PIEZO1: variants seen among roughly 807,000 people sequenced by gnomAD.
The protein encoded by PIEZO1 is piezo-type mechanosensitive ion channel component 1.
A neutral mutation model predicts 297.2 loss-of-function variants in PIEZO1; 296 were observed. The ratio of observed to expected loss-of-function variants is 1.00; its 90% CI spans 0.91 to 1.10. PIEZO1 has a LOEUF of 1.10. PIEZO1 is among the 50% of genes least tolerant of loss of function. The pLI, the probability that PIEZO1 is intolerant of heterozygous loss-of-function variation, is 0.00. For synonymous variants in PIEZO1, 2,427 were observed against 1,507.5 expected (o/e 1.61, Z -14.13); for missense variants, 5,018 against 3,455.5 (o/e 1.45, Z -11.34).
At chr16:88,736,907 T>C (rs971643943) in intron 10 of PIEZO1, 168 bp from the exon 11 acceptor site, 3 of 510,462 alleles carry the variant, frequency 5.9e-6, no homozygotes, top group South Asian at 4.9e-5. Flanking sequence ...ACACCGTCCC[T>C]GAGCGTCAGG....
chr16:88,720,884 A>T, intron 39 of PIEZO1, 136 bp from the exon 40 acceptor site: 1 of 1,087,238 alleles, frequency 9.2e-7, no homozygotes, highest in South Asian at 1.7e-5. Context: ...TCCCAGTGTC[A>T]CTGGCAAGGA....
chr16:88,727,252 G>C lies in PIEZO1; in HGVS notation c.3302-60C>G, dbSNP rs376240139. ...GGGACCCACACGAGGTGGGCACGGC[G>C]CATAAATCCCACCTCCCACCCCAGG... is the stretch of plus-strand genomic sequence containing the variant. On this transcript the variant is annotated intron_variant, in intron 23 of 50. Transcript: ENST00000301015. 37 of 1,459,962 alleles carry C rather than the reference G, an allele frequency of 2.5e-5. 1 individual carries two copies. In the East Asian group the frequency reaches 8.7e-4, roughly 35 times the overall value. The allele number at this position is 1,459,962 out of a possible 1,614,324, so 90.4% of individuals were successfully genotyped here. A position where few individuals can be genotyped will look rare whatever the true frequency, so the allele number is the denominator to read the frequency against.
intron 21 of PIEZO1, 55 bp downstream of exon 21, chr16:88,732,280 C>T: frequency 6.2e-6 from 9 of 1,451,074 alleles, no homozygotes; most frequent in East Asian, 2.5e-5. Flanking sequence ...TGCAGCCGTC[C>T]CTCCCTCCCG....
At chr16:88,779,380 C>G (rs1280991590) in intron 1 of PIEZO1, among the ~76,000 whole-genome samples, 2 of 152,198 alleles carry the variant, frequency 1.3e-5, no homozygotes, top group Non-Finnish European at 2.9e-5. Context: ...CCCCATTTTC[C>G]TGGCACTGAT....
At chr16:88,767,086 C>T (rs1046809435) in intron 1 of PIEZO1, among the ~76,000 whole-genome samples, 4 of 152,240 alleles carry the variant, frequency 2.6e-5, no homozygotes, top group Non-Finnish European at 4.4e-5. Context: ...TCAGCTTCTC[C>T]GATCGATTGG....
chr16:88,757,192 G>C (rs576536934), intron 1 of PIEZO1, among the ~76,000 whole-genome samples: 23 of 152,266 alleles, frequency 1.5e-4, no homozygotes, highest in African/African-American at 5.5e-4. Context: ...AGACCACCTG[G>C]AGGCTGAGCC....
intron 1 of PIEZO1, among the ~76,000 whole-genome samples, chr16:88,760,725 AG>A (rs1214103901): frequency 6.6e-6 from 1 of 152,176 alleles, no homozygotes; most frequent in Admixed American, 6.5e-5. Context: ...AGCAGCACCC[AG>A]GGGGCCCGGG....
intron 1 of PIEZO1, among the ~76,000 whole-genome samples, chr16:88,761,913 C>T (rs142361904): frequency 1.5e-3 from 229 of 152,346 alleles, no homozygotes; most frequent in African/African-American, 5.2e-3. Flanking sequence ...GATTCCAGGG[C>T]ATGGGTGAGG....
rs1246728726 is a variant in PIEZO1 at position 88,784,863 on chromosome 16, C to A, written c.64+38G>T. On this transcript the variant is annotated intron_variant, in intron 1 of 50. Coordinates refer to ENST00000301015, the MANE Select transcript of PIEZO1 (RefSeq NM_001142864.4). ...AGGCCGTGGGGAGCCGAGACGCAGC[C>A]CCCTCCCGTCGCCCCCAGGCGCCCG... 5 of 1,367,080 alleles carry A rather than the reference C, an allele frequency of 3.7e-6. No individual in the cohort carries two copies. The South Asian group carries it at 6.6e-5, about 18-fold the overall frequency. 84.7% of individuals were successfully genotyped at this position (1,367,080 alleles called of 1,614,324 possible).
chr16:88,735,696 C>T (rs541718631), intron 12 of PIEZO1, among the ~76,000 whole-genome samples: 79 of 152,398 alleles, frequency 5.2e-4, no homozygotes, highest in Middle Eastern at 3.4e-3. Flanking sequence ...TGCTGGCACC[C>T]GTTTCACATG....
Position 88,716,879 on chromosome 16 carries a change from G to C in PIEZO1, c.6680C>G (p.Ala2227Gly), listed in dbSNP as rs1420499176. 6.5e-7 allele frequency: 1 copy of C among 1,549,830 alleles called. No homozygotes were observed. The highest frequency in any genetic ancestry group is 8.7e-7 in the Non-Finnish European group (1 of 1,146,948). ...GAAGGGGATGATGGACGGCTGCTGG[G>C]CGCTCATGGTGAACAGCGGCTGGGG... ...GGYEPLFTMSAQQPSIIPFTA... is the reference protein window; with the variant it reads ...GGYEPLFTMSGQQPSIIPFTA... Residue 2227 changes from alanine to glycine, a missense_variant, in exon 46 of 51, where the codon GCC (alanine) becomes GGC (glycine). Transcript: ENST00000301015.
intron 3 of PIEZO1, 53 bp from the exon 4 acceptor site, chr16:88,742,148 G>A: frequency 3.9e-6 from 6 of 1,530,840 alleles, no homozygotes; most frequent in Non-Finnish European, 4.4e-6. Context: ...CCAGCACCGT[G>A]GCCTGGTCAT....
Position 88,720,269 on chromosome 16 carries a change from GGCC to G in PIEZO1, c.5961_5963del (p.Ala1988del), listed in dbSNP as rs1912335818. 6.4e-7 allele frequency: 1 copy of G among 1,550,436 alleles called. No homozygotes were observed. The highest frequency in any genetic ancestry group is 8.7e-7 in the Non-Finnish European group (1 of 1,146,964). The stretch of plus-strand genomic sequence containing the variant: ...CTGATAGGGAGGACGTGATGTCTGT[GGCC>G]GCCGAGTGCTTCTGTGGCCAGGAGA... On this transcript the variant is annotated inframe_deletion, in exon 42 of 51. Transcript: ENST00000301015.
chr16:88,717,267 C>G lies in PIEZO1; in HGVS notation c.6472-56G>C, dbSNP rs568551969. 14 of 1,449,930 alleles carry G rather than the reference C, an allele frequency of 9.7e-6. No individual in the cohort carries two copies. The African/African-American group carries it at 1.7e-4, about 17-fold the overall frequency. The allele number at this position is 1,449,930 out of a possible 1,614,324, so 89.8% of individuals were successfully genotyped here. A position where few individuals can be genotyped will look rare whatever the true frequency, so the allele number is the denominator to read the frequency against. ...AGCTCTGCCCTTCCTGCGGGTCACACAACCGCATTCTCCAGCTCACCCAGC... is the reference window on the plus strand; with the variant it reads ...AGCTCTGCCCTTCCTGCGGGTCACAGAACCGCATTCTCCAGCTCACCCAGC... On this transcript the variant is annotated intron_variant, in intron 44 of 50. Coordinates refer to ENST00000301015, the MANE Select transcript of PIEZO1 (RefSeq NM_001142864.4).
At chr16:88,762,418 C>A (rs929840908) in intron 1 of PIEZO1, among the ~76,000 whole-genome samples, 5 of 152,234 alleles carry the variant, frequency 3.3e-5, no homozygotes, top group Admixed American at 2.6e-4. Context: ...TGGCCCCCAT[C>A]TGAGCTGCAG....
At position 88,727,077 on chromosome 16, in the gene PIEZO1, C is replaced by G. The variant is rs1308781353; in HGVS notation, c.3417G>C (p.Arg1139=). 1 of 1,549,622 alleles carries G rather than the reference C, an allele frequency of 6.5e-7. No individual in the cohort carries two copies. The highest frequency in any genetic ancestry group is 8.7e-7 in the Non-Finnish European group (1 of 1,146,400). The change falls in exon 24 of 51, where the codon CGG becomes CGC. Residue 1139 remains arginine, a synonymous_variant. Coordinates refer to ENST00000301015, the MANE Select transcript of PIEZO1 (RefSeq NM_001142864.4). The part of the protein sequence containing the change: ...GVNTDRLEPL[R]GEPNPVPNFI... ...AGTTGGGCACGGGGTTGGGCTCCCC[C>G]CGCAGCGGCTCCAGGCGGTCGGTGT...
chr16:88,736,943 C>A, intron 10 of PIEZO1: 1 of 469,948 alleles, frequency 2.1e-6, no homozygotes, highest in Non-Finnish European at 3.8e-6. Context: ...ACCTGCCGTT[C>A]TCTGGGCCTC....
chr16:88,722,672 C>T lies in PIEZO1; in HGVS notation c.4686G>A (p.Arg1562=). ...TTGTGTACAGCTGATCCAGCACGCCCCTGTGCACTTCGCCGCCCTGCAGGG... is the reference window on the plus strand; with the variant it reads ...TTGTGTACAGCTGATCCAGCACGCCTCTGTGCACTTCGCCGCCCTGCAGGG... ...QELLQGGEVH[R]GVLDQLYTSQ... Residue 1562 remains arginine (R), a synonymous_variant, in exon 35 of 51, where the codon AGG becomes AGA. Transcript: ENST00000301015. 6.5e-7 allele frequency: 1 copy of T among 1,537,932 alleles called. No individual in the cohort carries two copies. Among genetic ancestry groups the T allele is most frequent in the Middle Eastern group, 1.7e-4 (1 of 5,976 alleles).
intron 1 of PIEZO1, among the ~76,000 whole-genome samples, chr16:88,768,780 C>A (rs904341799): frequency 1.3e-5 from 2 of 152,380 alleles, no homozygotes; most frequent in Non-Finnish European, 2.9e-5. Flanking sequence ...TAGGCCTCGG[C>A]CAGTCTGGGG....
Sources: gnomAD v4.1 joint callset for allele counts (sites outside exome capture counted in the v4.1 genomes callset) on GRCh38, gnomAD v4.1.1 for gene constraint, MANE v1.5 for transcripts, NCBI Gene and HGNC (gene_info 2026-07-23, HGNC 2026-07-21) for gene names.